The following TCEA3 variants were observed in gnomAD, a reference collection of about 807,000 sequenced individuals.
The protein encoded by TCEA3 is transcription elongation factor A protein 3.
A neutral mutation model predicts 44.0 loss-of-function variants in TCEA3; 36 were observed. The observed-to-expected ratio is 0.82, with a 90% CI of 0.63 to 1.08. TCEA3 has a LOEUF of 1.08. Among genes scored for constraint, TCEA3 ranks in the 50% least tolerant of loss-of-function variants. TCEA3 has a pLI of 0.00. For synonymous variants in TCEA3, 162 were observed against 159.7 expected (o/e 1.01, Z -0.11); for missense variants, 392 against 441.2 (o/e 0.89, Z 1.00).
chr1:23,423,778 G>C, intron 1 of TCEA3: 1 of 455,996 alleles, frequency 2.2e-6, no homozygotes, highest in South Asian at 1.5e-5. Context: ...AAAGATCACG[G>C]GGAAGATCAA....
intron 10 of TCEA3, among the ~76,000 whole-genome samples, chr1:23,382,673 T>A (rs1241408486): frequency 6.6e-6 from 1 of 152,200 alleles, no homozygotes; most frequent in East Asian, 1.9e-4. Context: ...GTTAATGCTT[T>A]ATGTGTGTTA....
chr1:23,392,424 C>CTCCACACATCAT, intron 8 of TCEA3, among the ~76,000 whole-genome samples: 2 of 13,570 alleles, frequency 1.5e-4, no homozygotes, highest in Non-Finnish European at 3.0e-4. Context: ...ACAATACACA[C>CTCCACACATCAT]ACACTCCACA....
At chr1:23,398,157 A>G (rs144451731) in intron 5 of TCEA3, among the ~76,000 whole-genome samples, 1 of 152,222 alleles carries the variant, frequency 6.6e-6, no homozygotes, top group Non-Finnish European at 1.5e-5. Context: ...TCTCATCCCC[A>G]TTCGAGAGAT....
Position 23,393,910 on chromosome 1 carries a change from G to A in TCEA3, c.788C>T (p.Ser263Phe), listed in dbSNP as rs762474506. ...LRRNVLSGAI[S>F]AGLIAKMTAE... ...CGTCATCTTGGCTATAAGCCCTGCG[G>A]AGATGGCCCCACTGAGCACGTTCCG... The change falls in exon 8 of 11, where the codon TCC (serine) becomes TTC (phenylalanine). Residue 263 changes from serine to phenylalanine, a missense_variant. Coordinates refer to ENST00000450454, the MANE Select transcript of TCEA3 (RefSeq NM_003196.3). 2.7e-5 allele frequency: 43 copies of A among 1,613,866 alleles called. No homozygotes were observed. The South Asian group carries it at 4.2e-4, about 16-fold the overall frequency.
intron 5 of TCEA3, among the ~76,000 whole-genome samples, chr1:23,398,564 A>G (rs765867850): frequency 1.2e-4 from 18 of 152,242 alleles, no homozygotes; most frequent in Non-Finnish European, 2.2e-4. Context: ...GCTAGATGCC[A>G]GAACTGTGCC....
In TCEA3 at chr1:23,397,551, C is replaced by T. The variant is rs754842345; in HGVS notation, c.658G>A (p.Glu220Lys). ...VNCDKMASEI[E>K]DHIYQELKST... ...CGGCACAGTTCAAGGATATGATCTT[C>T]GATTTCTGATGCCATCTTGTCACAG... is the stretch of plus-strand genomic sequence containing the variant. Residue 220 changes from glutamate (E) to lysine (K), a missense_variant, in exon 7 of 11, where the codon GAA (glutamate) becomes AAA (lysine). By Grantham distance (56) the Glu-to-Lys change is moderately conservative. Coordinates refer to ENST00000450454, the MANE Select transcript of TCEA3 (RefSeq NM_003196.3). The T allele has an allele frequency of 6.8e-6, 11 of 1,613,648 alleles. No homozygotes were observed. Among genetic ancestry groups the T allele is most frequent in the African/African-American group, 2.7e-5 (2 of 74,898 alleles).
At chr1:23,418,978 A>C (rs1258785622) in intron 2 of TCEA3, 99 bp downstream of exon 2, 7 of 687,012 alleles carry the variant, frequency 1.0e-5, no homozygotes, top group Non-Finnish European at 1.3e-5. Flanking sequence ...CCCCCTCAGA[A>C]ATTCCTCCCA....
chr1:23,401,885 C>G lies in TCEA3; in HGVS notation c.444-3930G>C, dbSNP rs546477377. Among the ~76,000 whole-genome samples, 125 of 152,172 alleles carry G rather than the reference C, an allele frequency of 8.2e-4. 1 individual carries two copies. The highest frequency in any genetic ancestry group is 3.0e-3 in the African/African-American group (124 of 41,510). On this transcript the variant is annotated intron_variant, in intron 5 of 10. Coordinates refer to ENST00000450454, the MANE Select transcript of TCEA3 (RefSeq NM_003196.3). ...AGGGATCTAGGTTGCACGCTCCTTACGAGAATCTAATGCCTGATGATCAGA... is the reference window on the plus strand; with the variant it reads ...AGGGATCTAGGTTGCACGCTCCTTAGGAGAATCTAATGCCTGATGATCAGA...
rs181101811 is a variant in TCEA3, at chr1:23,384,925, T to C, written c.967-508A>G. 2.5e-3 allele frequency among the ~76,000 whole-genome samples: 384 copies of C among 152,208 alleles called. 2 individuals are homozygous for C. Among genetic ancestry groups the C allele is most frequent in the African/African-American group, 9.0e-3 (372 of 41,522 alleles). ...CAAGACTTATCTCCTACAGGAAGTA[T>C]TCCCTGACTCACCCCTGAACACATC... On this transcript the variant is annotated intron_variant, in intron 9 of 10. Transcript: ENST00000450454.
intron 4 of TCEA3, among the ~76,000 whole-genome samples, chr1:23,415,014 CTTTTT>C (rs59946326): frequency 1.2e-4 from 5 of 43,118 alleles, no homozygotes; most frequent in East Asian, 9.5e-4. Context: ...CTTTACTGTT[CTTTTT>C]TTTTTTTTTT....
In TCEA3 at chr1:23,387,343, T is replaced by A; in HGVS notation, c.896A>T (p.Lys299Met). The change falls in exon 9 of 11, where the codon AAG becomes ATG. Residue 299 changes from lysine (K) to methionine (M), a missense_variant. Lys to Met is a moderately conservative substitution (Grantham distance 95, BLOSUM62 -1). Transcript: ENST00000450454. ...GAGGTCAGTGGTGGTGCCGCCAGTC[T>A]TGGCCATCTGGTGCTCACGGATGGC... is the stretch of plus-strand genomic sequence containing the variant. ...QEAIREHQMA[K>M]TGGTTTDLFQ... 1 of 1,613,834 alleles carries A rather than the reference T, an allele frequency of 6.2e-7. No individual in the cohort carries two copies. The highest frequency in any genetic ancestry group is 1.3e-5 in the African/African-American group (1 of 75,054).
chr1:23,394,134 T>C, intron 7 of TCEA3, 101 bp from the exon 8 acceptor site: 1 of 1,406,876 alleles, frequency 7.1e-7, no homozygotes, highest in Non-Finnish European at 9.6e-7. Flanking sequence ...CTTCCTCTCC[T>C]CGGACTTCTA....
intron 8 of TCEA3, among the ~76,000 whole-genome samples, chr1:23,390,892 T>C (rs1639004531): frequency 6.6e-6 from 1 of 152,240 alleles, no homozygotes; most frequent in Non-Finnish European, 1.5e-5. Flanking sequence ...GGATGCTATG[T>C]CCACTCAGCA....
intron 8 of TCEA3, among the ~76,000 whole-genome samples, chr1:23,391,352 C>T (rs545936773): frequency 6.6e-6 from 1 of 151,816 alleles, no homozygotes; most frequent in South Asian, 2.1e-4. Context: ...CCCACCTCGG[C>T]CTCCCAAAGT....
intron 2 of TCEA3, among the ~76,000 whole-genome samples, chr1:23,418,770 C>A (rs1639969538): frequency 6.6e-6 from 1 of 152,072 alleles, no homozygotes; most frequent in African/African-American, 2.4e-5. Flanking sequence ...TTTCCCTCTC[C>A]CTGGATCATT....
chr1:23,402,340 C>A (rs1211056291), intron 5 of TCEA3, among the ~76,000 whole-genome samples: 1 of 151,920 alleles, frequency 6.6e-6, no homozygotes, highest in Non-Finnish European at 1.5e-5. Flanking sequence ...ACTGTGTTTC[C>A]AAAAAAACAA....
chr1:23,391,647 G>A (rs552703934), intron 8 of TCEA3, among the ~76,000 whole-genome samples: 1 of 152,252 alleles, frequency 6.6e-6, no homozygotes, highest in African/African-American at 2.4e-5. Flanking sequence ...ACTAGGCCAG[G>A]TGTCATGGTT....
chr1:23,413,293 C>T (rs1041286079), intron 4 of TCEA3, among the ~76,000 whole-genome samples: 2 of 151,066 alleles, frequency 1.3e-5, no homozygotes, highest in African/African-American at 2.4e-5. Flanking sequence ...CACGCCACCA[C>T]GCCCGGCTAA....
chr1:23,406,254 C>T (rs1235956850), intron 5 of TCEA3, among the ~76,000 whole-genome samples: 2 of 152,218 alleles, frequency 1.3e-5, no homozygotes, highest in Non-Finnish European at 2.9e-5. Context: ...CCCGTTGAAT[C>T]TTCATAAAAC....
Sources: gnomAD v4.1 joint callset for allele counts (sites outside exome capture counted in the v4.1 genomes callset) on GRCh38, gnomAD v4.1.1 for gene constraint, MANE v1.5 for transcripts, NCBI Gene and HGNC (gene_info 2026-07-23, HGNC 2026-07-21) for gene names.